Variants in SYNE3 observed in about 807,000 individuals in gnomAD.
SYNE3 encodes the protein nesprin-3.
In SYNE3, 100 loss-of-function variants were observed where a neutral mutation model predicts 111.2. That is an observed-to-expected ratio of 0.90 (90% confidence interval 0.77 to 1.06). The LOEUF (loss-of-function observed/expected upper bound fraction) is 1.06. SYNE3 is among the 50% of genes least tolerant of loss of function. The pLI is 0.00. For missense variants in SYNE3, 1,160 were observed against 1,240.3 expected (o/e 0.94, Z 0.97); for synonymous variants, 547 against 533.9 (o/e 1.02, Z -0.34).
chr14:95,440,697 C>T (rs1180927728), intron 11 of SYNE3, among the ~76,000 whole-genome samples: 1 of 152,200 alleles, frequency 6.6e-6, no homozygotes, highest in Non-Finnish European at 1.5e-5. Flanking sequence ...CTGTCCAATT[C>T]AATTTAAATG....
intron 1 of SYNE3, among the ~76,000 whole-genome samples, chr14:95,514,410 C>T (rs981867409): frequency 7.2e-5 from 11 of 152,170 alleles, no homozygotes; most frequent in African/African-American, 2.7e-4. Context: ...CAGGACTACC[C>T]ACCATTGACA....
intron 1 of SYNE3, among the ~76,000 whole-genome samples, chr14:95,515,217 C>T (rs746499829): frequency 3.3e-5 from 5 of 152,236 alleles, no homozygotes; most frequent in Non-Finnish European, 5.9e-5. Context: ...TTGAAAACAA[C>T]GCCTGGGGCC....
intron 1 of SYNE3, among the ~76,000 whole-genome samples, chr14:95,484,767 ATAC>A (rs1889453662): frequency 6.6e-6 from 1 of 152,220 alleles, no homozygotes; most frequent in Admixed American, 6.5e-5. Flanking sequence ...TGAAGGATAA[ATAC>A]TGTTTCATGA....
intron 6 of SYNE3, among the ~76,000 whole-genome samples, chr14:95,453,553 A>G (rs780304363): frequency 2.0e-5 from 3 of 152,264 alleles, no homozygotes; most frequent in African/African-American, 4.8e-5. Context: ...TTGCTATTCA[A>G]TTAGTTAGCA....
At chr14:95,472,258 G>A (rs1194922551) in intron 2 of SYNE3, among the ~76,000 whole-genome samples, 1 of 152,262 alleles carries the variant, frequency 6.6e-6, no homozygotes, top group Non-Finnish European at 1.5e-5. Flanking sequence ...GACCAAGACG[G>A]TGGCCCAGAA....
chr14:95,507,213 T>C (rs1890560907), intron 1 of SYNE3, among the ~76,000 whole-genome samples: 1 of 152,200 alleles, frequency 6.6e-6, no homozygotes, highest in South Asian at 2.1e-4. Context: ...AGGATGGGAC[T>C]GTTTAAAGCA....
chr14:95,449,683 T>C (rs1335060862), intron 8 of SYNE3: 1 of 984,422 alleles, frequency 1.0e-6, no homozygotes, highest in African/African-American at 1.7e-5. Flanking sequence ...ACCTGGGAGA[T>C]GCTTGCGGGT....
rs1057449114 is a variant in SYNE3 at position 95,455,776 on chromosome 14, T to C, written c.790-52A>G. On this transcript the variant is annotated intron_variant, in intron 5 of 17. Coordinates refer to ENST00000682763, the MANE Select transcript of SYNE3 (RefSeq NM_152592.6). Reference sequence around the variant, plus strand: ...AAACAGGCAGGGAAAAAGAATACAGTTGCTGCATTTTCCAGAGCAGACCTG... The same window carrying C: ...AAACAGGCAGGGAAAAAGAATACAGCTGCTGCATTTTCCAGAGCAGACCTG... 10 of 1,566,854 alleles carry C rather than the reference T, an allele frequency of 6.4e-6. No homozygotes were observed. In the African/African-American group the frequency reaches 1.2e-4, roughly 19 times the overall value.
chr14:95,444,558 T>C lies in SYNE3; in HGVS notation c.1703A>G (p.Gln568Arg). The C allele has an allele frequency of 1.2e-6, 2 of 1,613,710 alleles. No individual in the cohort carries two copies. The highest frequency in any genetic ancestry group is 1.7e-6 in the Non-Finnish European group (2 of 1,179,700). ...CCCCTTCTCGGCTTGGACCCTGACC[T>C]GGAGGTCCAAGAGCTTCCTCTGCAG... ...EPLQRKLLDL[Q>R]VRVQAEKGLQ... The change falls in exon 10 of 18, where the codon CAG (glutamine) becomes CGG (arginine). Residue 568 changes from glutamine (Q) to arginine (R), a missense_variant. Transcript: ENST00000682763.
rs528473388 is a variant in SYNE3 at position 95,448,288 on chromosome 14, C to A, written c.1449+1643G>T. Among the ~76,000 whole-genome samples the A allele has an allele frequency of 7.2e-5, 11 of 152,198 alleles. No individual in the cohort carries two copies. The South Asian group carries it at 2.1e-3, about 29-fold the overall frequency. ...ACATATGAAATTCACTCCAGGATGC[C>A]CTGAGGAGTACCTAGAAAAGATGGC... is the stretch of plus-strand genomic sequence containing the variant. On this transcript the variant is annotated intron_variant, in intron 8 of 17. Coordinates refer to ENST00000682763, the MANE Select transcript of SYNE3 (RefSeq NM_152592.6).
intron 2 of SYNE3, among the ~76,000 whole-genome samples, chr14:95,469,531 CAAAAAAAA>C (rs71132350): frequency 0.34 from 33,957 of 99,680 alleles, 4,070 homozygotes; most frequent in South Asian, 0.4. Context: ...CATGTCTCTA[CAAAAAAAA>C]AAAAAAAAAA....
rs928608064 is a variant in SYNE3 at position 95,485,735 on chromosome 14, C to A, written c.-14-9900G>T. 6.6e-6 allele frequency among the ~76,000 whole-genome samples: 1 copy of A among 152,182 alleles called. No homozygotes were observed. The highest frequency in any genetic ancestry group is 2.4e-5 in the African/African-American group (1 of 41,446). On this transcript the variant is annotated intron_variant, in intron 1 of 17. Coordinates refer to ENST00000682763, the MANE Select transcript of SYNE3 (RefSeq NM_152592.6). This position sits in a 1 kb window ranked among gnomAD's most constrained non-coding sequence, Gnocchi z 4.3. Reference sequence around the variant, plus strand: ...CTTCCAGAAAGCCTTCCCTGAATGACTGACACAGCCATGGCCACTCCTATG... The same window carrying A: ...CTTCCAGAAAGCCTTCCCTGAATGAATGACACAGCCATGGCCACTCCTATG...
At chr14:95,421,387 A>C (rs1885119906) in intron 17 of SYNE3, among the ~76,000 whole-genome samples, 2 of 152,154 alleles carry the variant, frequency 1.3e-5, no homozygotes, top group African/African-American at 4.8e-5. Context: ...AGTTCATCAC[A>C]GTCCATGAGA....
chr14:95,457,391 A>G (rs1887533293), intron 4 of SYNE3, 53 bp from the exon 5 acceptor site: 2 of 1,589,464 alleles, frequency 1.3e-6, no homozygotes, highest in South Asian at 2.3e-5. Context: ...CAGACAGCCC[A>G]AAGGCCAGAA....
intron 1 of SYNE3, among the ~76,000 whole-genome samples, chr14:95,486,297 G>A (rs1889542230): frequency 6.6e-6 from 1 of 152,032 alleles, no homozygotes; most frequent in Non-Finnish European, 1.5e-5. Context: ...GCATCTGCCT[G>A]CACCTTCCTC....
At chr14:95,476,305 T>C (rs560923928) in intron 1 of SYNE3, among the ~76,000 whole-genome samples, 1 of 152,358 alleles carries the variant, frequency 6.6e-6, no homozygotes, top group South Asian at 2.1e-4. Flanking sequence ...CTCCCTGAGA[T>C]GAACTTCTCA....
chr14:95,454,284 C>A (rs1472567026), intron 6 of SYNE3, among the ~76,000 whole-genome samples: 1 of 152,270 alleles, frequency 6.6e-6, no homozygotes, highest in Non-Finnish European at 1.5e-5. Context: ...TGGTTGGAAG[C>A]ATATGACCTT....
chr14:95,515,715 T>G (rs1426812371), intron 1 of SYNE3, among the ~76,000 whole-genome samples: 1 of 152,108 alleles, frequency 6.6e-6, no homozygotes, highest in Non-Finnish European at 1.5e-5. Context: ...GGGTGACCCT[T>G]CAGAGTTGAA....
intron 8 of SYNE3, among the ~76,000 whole-genome samples, chr14:95,446,344 T>C (rs566349128): frequency 1.4e-4 from 21 of 152,232 alleles, no homozygotes; most frequent in Non-Finnish European, 5.9e-5. Flanking sequence ...CTGAGTAATA[T>C]CCACCTCCTA....
Sources: allele counts gnomAD v4.1 joint callset (sites outside exome capture counted in the v4.1 genomes callset), GRCh38; gene constraint gnomAD v4.1.1; non-coding constraint Gnocchi (gnomAD v3.1); transcripts MANE v1.5; gene names NCBI Gene and HGNC (gene_info 2026-07-23, HGNC 2026-07-21).